ZYG11A: variants seen among roughly 807,000 people sequenced by gnomAD.
ZYG11A encodes zyg-11 family member A, cell cycle regulator, also known as protein zyg-11 homolog A.
A neutral mutation model predicts 77.2 loss-of-function variants in ZYG11A; 62 were observed. The observed-to-expected ratio is 0.80, with a 90% CI of 0.65 to 0.99. The LOEUF is 0.99. ZYG11A is among the 50% of genes least tolerant of loss of function. The pLI is 0.00. For missense variants in ZYG11A, 828 were observed against 896.8 expected, an observed-to-expected ratio of 0.92 and a Z score of 0.98; for synonymous variants, 315 against 324.6, an observed-to-expected ratio of 0.97 and a Z score of 0.32.
At chr1:52,845,326 G>C (rs1180667845) in intron 1 of ZYG11A, among the ~76,000 whole-genome samples, 1 of 128,462 alleles carries the variant, frequency 7.8e-6, no homozygotes, top group Non-Finnish European at 1.7e-5. Context: ...TTTTTTTTGA[G>C]ACGGAGCCTT....
chr1:52,889,809 T>A (rs1038087429), intron 13 of ZYG11A, among the ~76,000 whole-genome samples: 1 of 151,778 alleles, frequency 6.6e-6, no homozygotes, highest in African/African-American at 2.4e-5. Context: ...CCTCCCGGGT[T>A]CACGCCATTC....
intron 7 of ZYG11A, 31 bp from the exon 8 acceptor site, chr1:52,867,696 A>T: frequency 6.4e-7 from 1 of 1,551,200 alleles, no homozygotes; most frequent in African/African-American, 1.4e-5. Context: ...CAGGTTCCAT[A>T]GTTCACTTGA....
intron 8 of ZYG11A, among the ~76,000 whole-genome samples, chr1:52,871,096 A>G (rs1646154688): frequency 6.6e-6 from 1 of 152,162 alleles, no homozygotes; most frequent in Non-Finnish European, 1.5e-5. Context: ...CACACCTGCA[A>G]AGTATTTCCC....
At chr1:52,878,949 C>CAAAAAA (rs914463472) in intron 10 of ZYG11A, among the ~76,000 whole-genome samples, 2 of 27,250 alleles carry the variant, frequency 7.3e-5, no homozygotes, top group Admixed American at 6.1e-4. Flanking sequence ...AAACTCTGCT[C>CAAAAAA]AAAAAAAAAA....
Position 52,842,770 on chromosome 1 carries a change from T to A in ZYG11A, c.-114T>A. 1 of 998,908 alleles carries A rather than the reference T, an allele frequency of 1.0e-6. No individual in the cohort carries two copies. The highest frequency in any genetic ancestry group is 1.5e-5 in the South Asian group (1 of 66,238). The allele number at this position is 998,908 out of a possible 1,614,324, so 61.9% of individuals were successfully genotyped here. On this transcript the variant is annotated 5_prime_UTR_variant, in exon 1 of 14. Transcript: ENST00000371528. ...CCGGCAGGGCGCGGCGCTAGCTCCG[T>A]GTGCCTCGCAGGCGTGGTGGGCGCG... is the stretch of plus-strand genomic sequence containing the variant.
intron 2 of ZYG11A, among the ~76,000 whole-genome samples, chr1:52,855,524 C>A (rs1408520127): frequency 1.3e-5 from 2 of 152,276 alleles, no homozygotes; most frequent in South Asian, 2.1e-4. Context: ...CTTTCCATCA[C>A]CTCAGAAAGA....
intron 3 of ZYG11A, among the ~76,000 whole-genome samples, chr1:52,859,101 C>G (rs920367321): frequency 5.9e-5 from 9 of 151,972 alleles, no homozygotes; most frequent in Non-Finnish European, 1.2e-4. Flanking sequence ...CAGAGTCACT[C>G]TGTTGTTCAG....
chr1:52,889,542 C>A (rs1646505671), intron 13 of ZYG11A, among the ~76,000 whole-genome samples: 2 of 151,898 alleles, frequency 1.3e-5, no homozygotes, highest in Admixed American at 1.3e-4. Flanking sequence ...ATCAGCCTCC[C>A]AAAGTGCTAG....
intron 12 of ZYG11A, among the ~76,000 whole-genome samples, chr1:52,886,316 T>C (rs1229496834): frequency 6.6e-6 from 1 of 152,120 alleles, no homozygotes; most frequent in African/African-American, 2.4e-5. Flanking sequence ...CAAATCCTAT[T>C]TCTCTGATAT....
chr1:52,881,867 CT>C (rs1026603413), intron 11 of ZYG11A: 10,040 of 357,224 alleles, frequency 0.028, no homozygotes, highest in South Asian at 0.039. Flanking sequence ...TTCTCATCAG[CT>C]TTTTTTTTTT....
chr1:52,857,149 C>T lies in ZYG11A; in HGVS notation c.408C>T (p.His136=), dbSNP rs758522296. 2.4e-5 allele frequency: 37 copies of T among 1,551,820 alleles called. No individual in the cohort carries two copies. Among genetic ancestry groups the T allele is most frequent in the African/African-American group, 1.9e-4 (14 of 73,042 alleles). ...TTGAACTGAATGCTACTGCAGTGCA[C>T]GCTGACCTCCCAGTTCCAGACATCA... ...KLIELNATAV[H]ADLPVPDIIS... is the part of the protein sequence containing the mutation. Residue 136 remains histidine (H), a synonymous_variant, in exon 3 of 14, where the codon CAC becomes CAT. Coordinates refer to ENST00000371528, the MANE Select transcript of ZYG11A (RefSeq NM_001004339.3).
At chr1:52,853,368 C>G (rs543229864) in intron 1 of ZYG11A, among the ~76,000 whole-genome samples, 1 of 152,162 alleles carries the variant, frequency 6.6e-6, no homozygotes, top group African/African-American at 2.4e-5. Context: ...AGGACCTTGA[C>G]TGTATCACTG....
chr1:52,868,582 C>T (rs1468484080), intron 8 of ZYG11A, among the ~76,000 whole-genome samples: 1 of 151,798 alleles, frequency 6.6e-6, no homozygotes, highest in Non-Finnish European at 1.5e-5. Flanking sequence ...GAGATTGAGA[C>T]CATCTTGGAC....
chr1:52,857,514 T>G lies in ZYG11A; in HGVS notation c.773T>G (p.Leu258Arg). The G allele has an allele frequency of 6.4e-7, 1 of 1,552,182 alleles. No homozygotes were observed. The highest frequency in any genetic ancestry group is 8.7e-7 in the Non-Finnish European group (1 of 1,147,092). The part of the protein sequence containing the change: ...ILAVIRELKC[L>R]LHLDISDHRQ... ...GCAGTCATTAGAGAACTTAAATGTC[T>G]GCTTCACCTTGATATTTCTGATCAC... Residue 258 changes from leucine to arginine, a missense_variant, in exon 3 of 14, where the codon CTG (leucine) becomes CGG (arginine). By Grantham distance (102) the Leu-to-Arg change is moderately radical. Transcript: ENST00000371528.
chr1:52,877,686 T>G lies in ZYG11A; in HGVS notation c.1547T>G (p.Leu516Arg). Reference sequence around the variant, plus strand: ...CCCTGTCTCTTTGGTTTTTAGGAACTTCTAGCAATAGTAAAACAAAAGACT... The same window carrying G: ...CCCTGTCTCTTTGGTTTTTAGGAACGTCTAGCAATAGTAAAACAAAAGACT... ...LEELFMAVKE[L>R]LAIVKQKTTE... Residue 516 changes from leucine to arginine, a missense_variant, in exon 9 of 14, where the codon CTT (leucine) becomes CGT (arginine). By Grantham distance (102) the Leu-to-Arg change is moderately radical. Coordinates refer to ENST00000371528, the MANE Select transcript of ZYG11A (RefSeq NM_001004339.3). 1 of 1,547,344 alleles carries G rather than the reference T, an allele frequency of 6.5e-7. No individual in the cohort carries two copies. Among genetic ancestry groups the G allele is most frequent in the Non-Finnish European group, 8.7e-7 (1 of 1,145,800 alleles).
chr1:52,854,320 T>G lies in ZYG11A; in HGVS notation c.91-145T>G, dbSNP rs570412726. 4.2e-4 allele frequency: 292 copies of G among 702,094 alleles called. 3 individuals carry two copies. The Middle Eastern group carries it at 7.9e-3, about 19-fold the overall frequency. The allele number at this position is 702,094 out of a possible 1,614,324, so 43.5% of individuals were successfully genotyped here. The stretch of plus-strand genomic sequence containing the variant: ...CAGTTAACAGTAGGAATGAGGTGGT[T>G]TCGTTACATATAAATCATTACTAGA... On this transcript the variant is annotated intron_variant, in intron 1 of 13. Coordinates refer to ENST00000371528, the MANE Select transcript of ZYG11A (RefSeq NM_001004339.3).
In ZYG11A at chr1:52,842,920, A is replaced by G; in HGVS notation, c.37A>G (p.Asn13Asp). 1 of 1,529,440 alleles carries G rather than the reference A, an allele frequency of 6.5e-7. No homozygotes were observed. The highest frequency in any genetic ancestry group is 1.2e-5 in the South Asian group (1 of 81,508). The allele number at this position is 1,529,440 out of a possible 1,614,324, so 94.7% of individuals were successfully genotyped here. ...HFLHPGHTPR[N>D]IVPPDAQKDA... ...CTTGCACCCGGGCCACACGCCCCGG[A>G]ACATCGTCCCTCCTGACGCTCAGAA... is the stretch of plus-strand genomic sequence containing the variant. The change falls in exon 1 of 14, where the codon AAC becomes GAC. Residue 13 changes from asparagine (N) to aspartate (D), a missense_variant. Physicochemically the swap from Asn to Asp is conservative, Grantham distance 23 (BLOSUM62 1). Transcript: ENST00000371528.
Position 52,860,821 on chromosome 1 carries a change from C to CTG in ZYG11A, c.1101_1102dup (p.Phe368CysfsTer10). ...TTTTGTGAAGGAAGCCCTCCACAGG[C>CTG]TGTTCACAGAGACATTTTCAATGGA... On this transcript the variant is annotated frameshift_variant, in exon 4 of 14. Coordinates refer to ENST00000371528, the MANE Select transcript of ZYG11A (RefSeq NM_001004339.3). LOFTEE classifies it high-confidence loss of function. 6.4e-7 allele frequency: 1 copy of CTG among 1,551,624 alleles called. No individual in the cohort carries two copies. Among genetic ancestry groups the CTG allele is most frequent in the Non-Finnish European group, 8.7e-7 (1 of 1,146,928 alleles).
chr1:52,877,466 C>T (rs1015862555), intron 8 of ZYG11A, among the ~76,000 whole-genome samples: 8 of 152,140 alleles, frequency 5.3e-5, no homozygotes, highest in Admixed American at 1.3e-4. Context: ...GGACTAAGTG[C>T]TCACTAAACT....
Sources: gnomAD v4.1 joint callset for allele counts (sites outside exome capture counted in the v4.1 genomes callset) on GRCh38, gnomAD v4.1.1 for gene constraint, MANE v1.5 for transcripts, NCBI Gene and HGNC (gene_info 2026-07-23, HGNC 2026-07-21) for gene names.